The following RBFOX1 variants were observed in gnomAD, a reference collection of about 807,000 sequenced individuals.
RBFOX1 encodes the protein RNA binding fox-1 homolog 1.
RBFOX1 carries 8 observed loss-of-function variants against 57.7 expected under a neutral mutation model. That is an observed-to-expected ratio of 0.14 (90% confidence interval 0.08 to 0.25). The LOEUF is 0.25. RBFOX1 is among the 10% of genes least tolerant of loss of function. The pLI, the probability that RBFOX1 is intolerant of heterozygous loss-of-function variation, is 1.00. For missense variants in RBFOX1, 611 were observed against 548.5 expected (o/e 1.11, Z -1.14); for synonymous variants, 326 against 222.4 (o/e 1.47, Z -4.15).
chr16:6,505,512 A>C (rs1414448904), intron 2 of RBFOX1, among the ~76,000 whole-genome samples: 1 of 152,230 alleles, frequency 6.6e-6, no homozygotes, highest in Admixed American at 6.5e-5. Context: ...TGCAGTTTTT[A>C]GACACACGTT....
At chr16:6,047,892 T>A (rs1328917477) in intron 1 of RBFOX1, among the ~76,000 whole-genome samples, 1 of 152,182 alleles carries the variant, frequency 6.6e-6, no homozygotes, top group Non-Finnish European at 1.5e-5. Context: ...TTTCTTACGG[T>A]TTCACAGACC....
intron 3 of RBFOX1, among the ~76,000 whole-genome samples, chr16:6,766,053 A>G (rs2077281236): frequency 6.6e-6 from 1 of 152,172 alleles, no homozygotes; most frequent in African/African-American, 2.4e-5. Flanking sequence ...TGGCAGGTGC[A>G]CTAAAATCCT....
chr16:6,613,299 CT>C (rs949137910), intron 2 of RBFOX1, among the ~76,000 whole-genome samples: 2 of 152,016 alleles, frequency 1.3e-5, no homozygotes, highest in African/African-American at 4.8e-5. Flanking sequence ...TAAGGGTAAA[CT>C]TGGGAAGGAT....
chr16:5,352,822 AGTC>A (rs2065292558), intron 1 of RBFOX1, among the ~76,000 whole-genome samples: 6 of 152,108 alleles, frequency 3.9e-5, no homozygotes, highest in Admixed American at 3.9e-4. Flanking sequence ...ATGCACCTGT[AGTC>A]CCAGCTAGTC....
At chr16:5,764,577 T>G (rs957878726) in intron 3 of RBFOX1, among the ~76,000 whole-genome samples, 1 of 152,064 alleles carries the variant, frequency 6.6e-6, no homozygotes, top group Non-Finnish European at 1.5e-5. Context: ...GAGAGCGCAA[T>G]GGATAGGGGA....
At chr16:6,802,378 TAGAA>T (rs1472118673) in intron 3 of RBFOX1, among the ~76,000 whole-genome samples, 1 of 152,166 alleles carries the variant, frequency 6.6e-6, no homozygotes, top group Admixed American at 6.5e-5. Flanking sequence ...CAGTTAATGT[TAGAA>T]AGTCCATGTT....
At chr16:5,573,007 C>T (rs896869262) in intron 2 of RBFOX1, among the ~76,000 whole-genome samples, 21 of 152,012 alleles carry the variant, frequency 1.4e-4, no homozygotes, top group African/African-American at 5.1e-4. Context: ...GAAGGCTGCC[C>T]CAGCCACTGC....
chr16:6,801,571 A>G (rs937941891), intron 3 of RBFOX1, among the ~76,000 whole-genome samples: 7 of 152,110 alleles, frequency 4.6e-5, no homozygotes, highest in Admixed American at 3.3e-4. Flanking sequence ...AAGGAAGCCC[A>G]TAATTGGGGT....
chr16:6,181,294 G>C (rs549890664), intron 1 of RBFOX1, among the ~76,000 whole-genome samples: 30 of 152,310 alleles, frequency 2.0e-4, no homozygotes, highest in South Asian at 6.2e-4. Context: ...ACTCTACCCA[G>C]GCAGAGCCTT....
In RBFOX1 at chr16:6,643,851, C is replaced by T. The variant is rs558324224; in HGVS notation, c.-63-10752C>T. Among the ~76,000 whole-genome samples, 10 of 151,936 alleles carry T rather than the reference C, an allele frequency of 6.6e-5. No homozygotes were observed. The South Asian group carries it at 2.1e-3, about 32-fold the overall frequency. On this transcript the variant is annotated intron_variant, in intron 2 of 15. Transcript: ENST00000550418. ...GGTTAAAAAATCATATAAGGCTGAGCACGCTGGGTCATGCCTGTAATCCCA... is the reference window on the plus strand; with the variant it reads ...GGTTAAAAAATCATATAAGGCTGAGTACGCTGGGTCATGCCTGTAATCCCA...
chr16:7,499,062 C>T (rs754085234), intron 4 of RBFOX1, among the ~76,000 whole-genome samples: 1 of 152,124 alleles, frequency 6.6e-6, no homozygotes, highest in South Asian at 2.1e-4. Context: ...GTATTAATTT[C>T]CCAGGGCTAC....
chr16:7,416,262 C>T (rs1238699029), intron 4 of RBFOX1, among the ~76,000 whole-genome samples: 1 of 152,216 alleles, frequency 6.6e-6, no homozygotes, highest in Non-Finnish European at 1.5e-5. Context: ...CTCTCCCTTT[C>T]TGTGTCTCTC....
chr16:7,545,395 G>A (rs996806890), intron 5 of RBFOX1, among the ~76,000 whole-genome samples: 4 of 151,876 alleles, frequency 2.6e-5, no homozygotes, highest in South Asian at 2.1e-4. Flanking sequence ...TATATTCTTC[G>A]GGGGGCTTTG....
intron 3 of RBFOX1, among the ~76,000 whole-genome samples, chr16:5,605,262 G>A (rs930620580): frequency 1.1e-4 from 17 of 152,246 alleles, no homozygotes; most frequent in Admixed American, 4.6e-4. Flanking sequence ...TTTGGCTTCC[G>A]TGTCTGTGAA....
At chr16:7,038,731 C>T (rs999509386) in intron 3 of RBFOX1, among the ~76,000 whole-genome samples, 10 of 152,116 alleles carry the variant, frequency 6.6e-5, no homozygotes, top group African/African-American at 2.2e-4. Flanking sequence ...CCACGTGCTG[C>T]CTGGGGCTGC....
At chr16:7,167,295 A>G (rs1010913054) in intron 4 of RBFOX1, among the ~76,000 whole-genome samples, 2 of 151,634 alleles carry the variant, frequency 1.3e-5, no homozygotes, top group Non-Finnish European at 2.9e-5. Flanking sequence ...TGAAAATAGG[A>G]TTTTTACGGA....
chr16:5,972,461 C>G (rs761489840), intron 4 of RBFOX1, among the ~76,000 whole-genome samples: 4 of 152,206 alleles, frequency 2.6e-5, no homozygotes, highest in African/African-American at 4.8e-5. Context: ...CCATCATTCA[C>G]TCCATCAAGT....
intron 1 of RBFOX1, among the ~76,000 whole-genome samples, chr16:6,160,502 G>C (rs764506747): frequency 6.6e-6 from 1 of 151,968 alleles, no homozygotes; most frequent in Non-Finnish European, 1.5e-5. Context: ...CCATCACCCT[G>C]GGCAAACACC....
chr16:5,779,262 A>G (rs780093908), intron 3 of RBFOX1, among the ~76,000 whole-genome samples: 37 of 152,240 alleles, frequency 2.4e-4, no homozygotes, highest in Middle Eastern at 6.8e-3. Context: ...GTCCCTCTAA[A>G]CAGCTGAATT....
Sources: allele counts gnomAD v4.1 joint callset (sites outside exome capture counted in the v4.1 genomes callset), GRCh38; gene constraint gnomAD v4.1.1; transcripts MANE v1.5; gene names NCBI Gene and HGNC (gene_info 2026-07-23, HGNC 2026-07-21).